Variants in PCCA observed in about 807,000 individuals in gnomAD.
PCCA encodes the protein propionyl-CoA carboxylase subunit alpha.
PCCA carries 74 observed loss-of-function variants against 101.3 expected under a neutral mutation model. The ratio of observed to expected loss-of-function variants is 0.73; its 90% CI spans 0.61 to 0.89. PCCA has a LOEUF of 0.89. PCCA is among the 40% of genes least tolerant of loss of function. The probability of loss-of-function intolerance (pLI) is 0.00; values close to 1 mark genes in which losing one functional copy is unlikely to be tolerated. For synonymous variants in PCCA, 294 were observed against 313.6 expected (o/e 0.94, Z 0.66); for missense variants, 891 against 907.0 (o/e 0.98, Z 0.23).
chr13:100,346,803 C>T (rs2072302060), intron 18 of PCCA, among the ~76,000 whole-genome samples: 1 of 152,178 alleles, frequency 6.6e-6, no homozygotes, highest in Non-Finnish European at 1.5e-5. Context: ...GATCAGTCAG[C>T]AGCTACCCTC....
chr13:100,315,713 A>G (rs1008064713), intron 16 of PCCA, among the ~76,000 whole-genome samples: 2 of 151,926 alleles, frequency 1.3e-5, no homozygotes, highest in Non-Finnish European at 2.9e-5. Context: ...GGGGAAGGCC[A>G]CTCCTAGGGG....
intron 19 of PCCA, among the ~76,000 whole-genome samples, chr13:100,423,213 C>T (rs1462987818): frequency 1.3e-5 from 2 of 152,116 alleles, no homozygotes; most frequent in Non-Finnish European, 2.9e-5. Flanking sequence ...CGAAATGCCA[C>T]CTCCACTCCA....
chr13:100,435,042 C>CT (rs1491378398), intron 20 of PCCA, among the ~76,000 whole-genome samples: 2 of 152,188 alleles, frequency 1.3e-5, no homozygotes, highest in African/African-American at 4.8e-5. Flanking sequence ...TGCTGAACCC[C>CT]TGTGATTCCA....
Position 100,453,755 on chromosome 13 carries a change from T to TA in PCCA, c.1899+4457dup, listed in dbSNP as rs377146215. On this transcript the variant is annotated intron_variant, in intron 21 of 23. Transcript: ENST00000376285. ...TTCAGGCACCCAAAACATGCTAGCA[T>TA]AAAAAAACACAAGAAACAAAAACAC... Among the ~76,000 whole-genome samples, 20 of 151,856 alleles carry TA rather than the reference T, an allele frequency of 1.3e-4. No individual in the cohort carries two copies. The East Asian group carries it at 3.5e-3, about 27-fold the overall frequency.
chr13:100,354,132 TG>T (rs927322390), intron 18 of PCCA, among the ~76,000 whole-genome samples: 1 of 142,072 alleles, frequency 7.0e-6, no homozygotes, highest in African/African-American at 2.7e-5. Context: ...AATAATTCGC[TG>T]GGTGTGGTGG....
chr13:100,147,398 A>G (rs564143885), intron 4 of PCCA, among the ~76,000 whole-genome samples: 2 of 152,242 alleles, frequency 1.3e-5, no homozygotes, highest in Non-Finnish European at 2.9e-5. Context: ...TTGAGCAGTG[A>G]TAGCTGCTGC....
At chr13:100,485,094 C>T (rs1466346660) in intron 21 of PCCA, among the ~76,000 whole-genome samples, 1 of 152,122 alleles carries the variant, frequency 6.6e-6, no homozygotes, top group Non-Finnish European at 1.5e-5. Flanking sequence ...GGAAGGATTG[C>T]TTTAATATTT....
chr13:100,210,091 C>T (rs1229354878), intron 7 of PCCA, among the ~76,000 whole-genome samples: 1 of 152,114 alleles, frequency 6.6e-6, no homozygotes, highest in African/African-American at 2.4e-5. Flanking sequence ...ATCCCTCCTT[C>T]TTTAGCCTCC....
At chr13:100,225,656 A>G (rs2482463) in intron 7 of PCCA, among the ~76,000 whole-genome samples, 22,860 of 152,230 alleles carry the variant, frequency 0.15, 1,828 homozygotes, top group Middle Eastern at 0.22. Flanking sequence ...ACATTAGTGT[A>G]TTTGTCCCTG....
chr13:100,490,798 A>G (rs1436683131), intron 21 of PCCA: 1 of 152,216 alleles, frequency 6.6e-6, no homozygotes, highest in Non-Finnish European at 1.5e-5. Context: ...ACTCTTCAAG[A>G]CAGTCCTTTG....
intron 12 of PCCA, among the ~76,000 whole-genome samples, chr13:100,298,262 A>C (rs2065711921): frequency 6.6e-6 from 1 of 152,168 alleles, no homozygotes; most frequent in Non-Finnish European, 1.5e-5. Context: ...TTGGCAACTC[A>C]TAAAGGTACT....
intron 22 of PCCA, among the ~76,000 whole-genome samples, chr13:100,518,292 G>A (rs973874478): frequency 8.5e-5 from 13 of 152,292 alleles, no homozygotes; most frequent in South Asian, 8.3e-4. Context: ...CACATAAATC[G>A]TAATGAACAA....
chr13:100,393,171 A>G (rs1228983213), intron 19 of PCCA, among the ~76,000 whole-genome samples: 1 of 152,166 alleles, frequency 6.6e-6, no homozygotes, highest in Non-Finnish European at 1.5e-5. Flanking sequence ...GTTCTTTAAG[A>G]AAAAAACACG....
chr13:100,512,991 G>C (rs2086593413), intron 21 of PCCA, among the ~76,000 whole-genome samples: 1 of 152,192 alleles, frequency 6.6e-6, no homozygotes, highest in African/African-American at 2.4e-5. Context: ...GAAGGCCCTG[G>C]TGTACATTCT....
chr13:100,089,413 T>G (rs1217917960), intron 1 of PCCA, among the ~76,000 whole-genome samples, 188 bp downstream of exon 1: 2 of 152,184 alleles, frequency 1.3e-5, no homozygotes. Context: ...GAGGCATCCC[T>G]CGTTGCAGCT....
intron 12 of PCCA, among the ~76,000 whole-genome samples, chr13:100,295,483 A>G (rs1191635518): frequency 1.3e-5 from 2 of 152,220 alleles, no homozygotes; most frequent in East Asian, 1.9e-4. Flanking sequence ...TAAAAATGTC[A>G]CTTAAAATTT....
At chr13:100,423,503 C>T (rs1285894116) in intron 19 of PCCA, among the ~76,000 whole-genome samples, 2 of 152,200 alleles carry the variant, frequency 1.3e-5, no homozygotes, top group African/African-American at 4.8e-5. Flanking sequence ...ACATCCCTTG[C>T]CCCGCTTATA....
Position 100,321,628 on chromosome 13 carries a change from T to A in PCCA, c.1430-8933T>A, listed in dbSNP as rs1055849398. ...GTGTGTGTGTGTGTGTGTGTGTGTGTGTGTGTGTACATAAAGCAATCTATA... is the reference window on the plus strand; with the variant it reads ...GTGTGTGTGTGTGTGTGTGTGTGTGAGTGTGTGTACATAAAGCAATCTATA... On this transcript the variant is annotated intron_variant, in intron 16 of 23. Transcript: ENST00000376285. Among the ~76,000 whole-genome samples, 7 of 148,386 alleles carry A rather than the reference T, an allele frequency of 4.7e-5. No homozygotes were observed. In the Admixed American group the frequency reaches 4.7e-4, roughly 10 times the overall value.
At chr13:100,207,599 C>G (rs2058941615) in intron 6 of PCCA, among the ~76,000 whole-genome samples, 1 of 151,984 alleles carries the variant, frequency 6.6e-6, no homozygotes, top group African/African-American at 2.4e-5. Flanking sequence ...TCAGGATGGT[C>G]TCGATCTCCT....
Sources: gnomAD v4.1 joint callset for allele counts (sites outside exome capture counted in the v4.1 genomes callset) on GRCh38, gnomAD v4.1.1 for gene constraint, MANE v1.5 for transcripts, NCBI Gene and HGNC (gene_info 2026-07-23, HGNC 2026-07-21) for gene names.